EXOC4: variants seen among roughly 807,000 people sequenced by gnomAD.
The protein encoded by EXOC4 is exocyst complex component 4, also known as SEC8-like 1.
EXOC4 carries 71 observed loss-of-function variants against 107.2 expected under a neutral mutation model. The observed-to-expected ratio is 0.66, with a 90% CI of 0.55 to 0.81. The LOEUF (loss-of-function observed/expected upper bound fraction) is 0.81. Ranked by LOEUF, EXOC4 falls within the 30% of genes least tolerant of loss-of-function variation. The pLI, the probability that EXOC4 is intolerant of heterozygous loss-of-function variation, is 0.00. For synonymous variants in EXOC4, 456 were observed against 441.2 expected (o/e 1.03, Z -0.42); for missense variants, 1,108 against 1,189.6 (o/e 0.93, Z 1.01).
intron 10 of EXOC4, among the ~76,000 whole-genome samples, chr7:133,770,852 T>A (rs2151162265): frequency 6.6e-6 from 1 of 152,106 alleles, no homozygotes; most frequent in East Asian, 1.9e-4. Context: ...GGTGCTACCC[T>A]AAGCTCTCCT....
the EXOC4 span, among the ~76,000 whole-genome samples, chr7:134,098,325 G>A: frequency 1.3e-5 from 2 of 152,158 alleles, no homozygotes; most frequent in African/African-American, 2.4e-5. Context: ...TGCAAGCTGC[G>A]TGATATCATG....
At chr7:133,332,466 T>C (rs1383389679) in intron 5 of EXOC4, among the ~76,000 whole-genome samples, 1 of 152,006 alleles carries the variant, frequency 6.6e-6, no homozygotes, top group Non-Finnish European at 1.5e-5. Context: ...AATACAAAAA[T>C]TAGCTGGGCA....
At position 133,410,958 on chromosome 7, in the gene EXOC4, A is replaced by G. The variant is rs1797342223; in HGVS notation, c.1182+35956A>G. 2.0e-5 allele frequency among the ~76,000 whole-genome samples: 3 copies of G among 152,150 alleles called. No homozygotes were observed. In the South Asian group the frequency reaches 6.2e-4, roughly 32 times the overall value. On this transcript the variant is annotated intron_variant, in intron 7 of 17. Transcript: ENST00000253861. ...GTGAAATGTATTGTTTGTAATCTAC[A>G]TTAGCATCAGTAAATATGGACCATT...
At chr7:133,496,037 T>C (rs555937195) in intron 9 of EXOC4, among the ~76,000 whole-genome samples, 4 of 152,294 alleles carry the variant, frequency 2.6e-5, no homozygotes, top group African/African-American at 7.2e-5. Flanking sequence ...TAAGCTTTCC[T>C]TACTTCTGCT....
At chr7:133,984,900 A>C (rs1794078500) in intron 14 of EXOC4, among the ~76,000 whole-genome samples, 1 of 152,222 alleles carries the variant, frequency 6.6e-6, no homozygotes, top group Non-Finnish European at 1.5e-5. Flanking sequence ...AAAGTGCAAG[A>C]ATAAATTATA....
intron 14 of EXOC4, among the ~76,000 whole-genome samples, chr7:133,953,729 A>G (rs1306146047): frequency 1.3e-5 from 2 of 152,212 alleles, no homozygotes; most frequent in Non-Finnish European, 2.9e-5. Context: ...AAAATTTACA[A>G]TGGAAATTTA....
intron 7 of EXOC4, among the ~76,000 whole-genome samples, chr7:133,453,058 C>A (rs1798382991): frequency 6.6e-6 from 1 of 152,024 alleles, no homozygotes; most frequent in Admixed American, 6.6e-5. Flanking sequence ...GGAGAATAAA[C>A]CATAAATATG....
At position 133,744,834 on chromosome 7, in the gene EXOC4, A is replaced by G. The variant is rs115199599; in HGVS notation, c.1515-72491A>G. 8.4e-3 allele frequency among the ~76,000 whole-genome samples: 1,285 copies of G among 152,272 alleles called. 18 individuals carry two copies. The highest frequency in any genetic ancestry group is 0.029 in the African/African-American group (1,199 of 41,572). On this transcript the variant is annotated intron_variant, in intron 10 of 17. Transcript: ENST00000253861. ...TCTATACACCCTTTAGCTAAGGCCA[A>G]TGAATTGCACATGCAGCCAAACCTG...
In EXOC4 at chr7:133,768,654, T is replaced by C. The variant is rs531589897; in HGVS notation, c.1515-48671T>C. 1.1e-4 allele frequency among the ~76,000 whole-genome samples: 17 copies of C among 152,124 alleles called. 1 individual carries two copies. In the South Asian group the frequency reaches 2.1e-3, roughly 19 times the overall value. ...GTATCTGGTTCATAGTAAAGTGTTA[T>C]TTATTAGCCACACTTTAATGAATTC... On this transcript the variant is annotated intron_variant, in intron 10 of 17. Transcript: ENST00000253861.
At chr7:133,971,330 A>ATG (rs1415200594) in intron 14 of EXOC4, among the ~76,000 whole-genome samples, 53 of 95,982 alleles carry the variant, frequency 5.5e-4, no homozygotes, top group East Asian at 2.0e-3. Context: ...TGTGGGGAAA[A>ATG]TGTGTATATA....
intron 14 of EXOC4, among the ~76,000 whole-genome samples, chr7:133,950,026 A>G (rs887360579): frequency 6.6e-6 from 1 of 152,078 alleles, no homozygotes; most frequent in Admixed American, 6.6e-5. Flanking sequence ...CTCTTTTCCA[A>G]TACATGTGTA....
chr7:133,370,084 G>A (rs965314197), intron 6 of EXOC4, among the ~76,000 whole-genome samples: 10 of 151,984 alleles, frequency 6.6e-5, no homozygotes, highest in Non-Finnish European at 1.5e-4. Flanking sequence ...GAGCCACTGT[G>A]CCTGGCCTCC....
Position 133,857,325 on chromosome 7 carries a change from GTATATATATATATATATATATATA to G in EXOC4, c.1735-38256_1735-38233del. Reference sequence around the variant, plus strand: ...CGTATATATATATATATATATACACGTATATATATATATATATATATATATATATATATATATATATTTTACCTC... The same window carrying G: ...CGTATATATATATATATATATACACGTATATATATATATATATTTTACCTC... On this transcript the variant is annotated intron_variant, in intron 11 of 17. Coordinates refer to ENST00000253861, the MANE Select transcript of EXOC4 (RefSeq NM_021807.4). Among the ~76,000 whole-genome samples, 2 of 2,598 alleles carry G rather than the reference GTATATATATATATATATATATATA, an allele frequency of 7.7e-4. 1 individual carries two copies. Among genetic ancestry groups the G allele is most frequent in the Non-Finnish European group, 1.2e-3 (2 of 1,638 alleles). 1.7% of individuals were successfully genotyped at this position (2,598 alleles called of 152,430 possible). A position where few individuals can be genotyped will look rare whatever the true frequency, so the allele number is the denominator to read the frequency against.
At chr7:133,393,445 A>G (rs1343703243) in intron 7 of EXOC4, among the ~76,000 whole-genome samples, 1 of 152,204 alleles carries the variant, frequency 6.6e-6, no homozygotes, top group Admixed American at 6.5e-5. Flanking sequence ...AATGAGTAGT[A>G]GATACTCTAT....
intron 7 of EXOC4, among the ~76,000 whole-genome samples, chr7:133,391,786 T>C (rs1796858537): frequency 6.6e-6 from 1 of 152,166 alleles, no homozygotes. Flanking sequence ...AGCAAGGACT[T>C]ATTTATGGTC....
At chr7:133,563,987 A>G (rs192367915) in intron 9 of EXOC4, among the ~76,000 whole-genome samples, 13 of 152,294 alleles carry the variant, frequency 8.5e-5, no homozygotes, top group Admixed American at 6.5e-4. Context: ...AGAATGTTTT[A>G]TTCTTGTTGA....
chr7:133,804,419 T>C (rs1026112478), intron 10 of EXOC4, among the ~76,000 whole-genome samples: 1 of 152,186 alleles, frequency 6.6e-6, no homozygotes, highest in Non-Finnish European at 1.5e-5. Context: ...AATCAAGTGA[T>C]AGTAAACTTA....
At chr7:133,372,859 C>T (rs778843809) in intron 6 of EXOC4, among the ~76,000 whole-genome samples, 11 of 152,098 alleles carry the variant, frequency 7.2e-5, no homozygotes, top group Non-Finnish European at 1.2e-4. Flanking sequence ...TAATTTTCTC[C>T]GGTAAGGACA....
At chr7:133,437,723 T>A (rs1798008456) in intron 7 of EXOC4, among the ~76,000 whole-genome samples, 1 of 152,216 alleles carries the variant, frequency 6.6e-6, no homozygotes, top group East Asian at 1.9e-4. Context: ...CTGCTTCCCA[T>A]CATCCAGGCC....
Sources: gnomAD v4.1 joint callset for allele counts (sites outside exome capture counted in the v4.1 genomes callset) on GRCh38, gnomAD v4.1.1 for gene constraint, MANE v1.5 for transcripts, NCBI Gene and HGNC (gene_info 2026-07-23, HGNC 2026-07-21) for gene names.